DHCR24: variants seen among roughly 807,000 people sequenced by gnomAD.
The protein encoded by DHCR24 is delta(24)-sterol reductase.
DHCR24 carries 28 observed loss-of-function variants against 61.2 expected under a neutral mutation model. The observed-to-expected ratio is 0.46, with a 90% CI of 0.34 to 0.63. The LOEUF is 0.63. DHCR24 is among the 20% of genes least tolerant of loss of function. The pLI, the probability that DHCR24 is intolerant of heterozygous loss-of-function variation, is 0.01. For synonymous variants in DHCR24, 261 were observed against 275.9 expected (o/e 0.95, Z 0.54); for missense variants, 538 against 679.1 (o/e 0.79, Z 2.31).
chr1:54,884,551 G>A (rs1018693279), intron 1 of DHCR24, among the ~76,000 whole-genome samples: 1 of 152,204 alleles, frequency 6.6e-6, no homozygotes, highest in Non-Finnish European at 1.5e-5. Flanking sequence ...AGAAATGCAG[G>A]AGGAAGTGTT....
chr1:54,855,677 C>T (rs1236981113), intron 6 of DHCR24, among the ~76,000 whole-genome samples: 2 of 152,226 alleles, frequency 1.3e-5, no homozygotes, highest in African/African-American at 4.8e-5. Context: ...TTCCCTCACT[C>T]CTCTGGAGCT....
chr1:54,870,064 A>AG (rs1646989531), intron 5 of DHCR24, among the ~76,000 whole-genome samples: 2 of 151,942 alleles, frequency 1.3e-5, no homozygotes, highest in Non-Finnish European at 2.9e-5. Context: ...AAAAAAAAAA[A>AG]AAAAATTTTT....
At chr1:54,865,514 G>A (rs1018991929) in intron 5 of DHCR24, 68 bp from the exon 6 acceptor site, 9 of 1,596,218 alleles carry the variant, frequency 5.6e-6, no homozygotes, top group East Asian at 2.2e-5. Flanking sequence ...GTGTAACAGC[G>A]ACACCCGGCT....
At chr1:54,878,005 CAA>C (rs34579917) in intron 2 of DHCR24, among the ~76,000 whole-genome samples, 14 of 111,716 alleles carry the variant, frequency 1.3e-4, no homozygotes, top group Non-Finnish European at 9.6e-5. Flanking sequence ...GACTCTGTCT[CAA>C]AAAAAAAAAA....
intron 6 of DHCR24, among the ~76,000 whole-genome samples, chr1:54,861,211 G>A (rs12063284): frequency 6.6e-6 from 1 of 152,156 alleles, no homozygotes; most frequent in Non-Finnish European, 1.5e-5. Flanking sequence ...ATGTGGCCTA[G>A]TGACTGTTTT....
chr1:54,865,003 C>T (rs549631932), intron 6 of DHCR24, among the ~76,000 whole-genome samples: 1 of 152,294 alleles, frequency 6.6e-6, no homozygotes, highest in African/African-American at 2.4e-5. Flanking sequence ...GTCTGCTCAC[C>T]GTGGCTAGAG....
At chr1:54,867,364 T>C (rs1451270901) in intron 5 of DHCR24, among the ~76,000 whole-genome samples, 2 of 152,140 alleles carry the variant, frequency 1.3e-5, no homozygotes, top group South Asian at 2.1e-4. Flanking sequence ...TGCCCAGATG[T>C]CTAATGGCAT....
At position 54,853,478 on chromosome 1, in the gene DHCR24, C is replaced by T; in HGVS notation, c.1353G>A (p.Arg451=). The T allele has an allele frequency of 6.2e-7, 1 of 1,614,180 alleles. No homozygotes were observed. Among genetic ancestry groups the T allele is most frequent in the Non-Finnish European group, 8.5e-7 (1 of 1,180,032 alleles). ...ACTTCTCCAGCTGCCTCATGCAGGA[C>T]CTGGCTTCAAAGTGTTTCACACGCG... The part of the protein sequence containing the change: ...GEPRVKHFEA[R]SCMRQLEKFV... The change falls in exon 8 of 9, where the codon AGG becomes AGA. Residue 451 remains arginine, a synonymous_variant. Transcript: ENST00000371269.
intron 8 of DHCR24, among the ~76,000 whole-genome samples, chr1:54,852,922 T>G (rs181561412): frequency 3.0e-4 from 46 of 152,294 alleles, no homozygotes; most frequent in African/African-American, 1.1e-3. Context: ...TGTGTGTTTT[T>G]GGGAATTTTA....
chr1:54,883,500 T>G lies in DHCR24; in HGVS notation c.387+118A>C, dbSNP rs1570204298. 1.6e-6 allele frequency: 2 copies of G among 1,226,418 alleles called. No homozygotes were observed. The allele number at this position is 1,226,418 out of a possible 1,614,324, so 76.0% of individuals were successfully genotyped here. Reference sequence around the variant, plus strand: ...TGGCAGGGAGTATCTTCTATGACTGTGGGCATTGGTCCTGTCCACTCTGCA... The same window carrying G: ...TGGCAGGGAGTATCTTCTATGACTGGGGGCATTGGTCCTGTCCACTCTGCA... On this transcript the variant is annotated intron_variant, in intron 2 of 8. Transcript: ENST00000371269. This position sits in a 1 kb window ranked among gnomAD's most constrained non-coding sequence, Gnocchi z 4.3.
chr1:54,858,572 GAACA>G (rs1023983423), intron 6 of DHCR24, among the ~76,000 whole-genome samples: 1 of 152,206 alleles, frequency 6.6e-6, no homozygotes, highest in Non-Finnish European at 1.5e-5. Flanking sequence ...TTACTTAACA[GAACA>G]AATATGTAAG....
rs1433606152 is a variant in DHCR24 at position 54,850,849 on chromosome 1, C to T, written c.*1384G>A. On this transcript the variant is annotated 3_prime_UTR_variant, in exon 9 of 9. Transcript: ENST00000371269. ...GAAACTGCAGCTCAGAGGACAATGA[C>T]TTGCCCACGTTGCACAGCTCGCTGA... 1.3e-5 allele frequency: 2 copies of T among 152,250 alleles called. No homozygotes were observed. Among genetic ancestry groups the T allele is most frequent in the Admixed American group, 1.3e-4 (2 of 15,286 alleles). 9.4% of individuals were successfully genotyped at this position (152,250 alleles called of 1,614,324 possible). A position where few individuals can be genotyped will look rare whatever the true frequency, so the allele number is the denominator to read the frequency against.
intron 2 of DHCR24, among the ~76,000 whole-genome samples, chr1:54,882,080 G>A (rs1344021544): frequency 1.3e-5 from 2 of 150,390 alleles, no homozygotes; most frequent in Non-Finnish European, 2.9e-5. Context: ...CATGACACAC[G>A]TTTACCTATA....
chr1:54,885,371 G>A (rs1049331783), intron 1 of DHCR24, among the ~76,000 whole-genome samples: 2 of 152,154 alleles, frequency 1.3e-5, no homozygotes, highest in African/African-American at 4.8e-5. Context: ...CAGAAAAAAG[G>A]GCAACTAGGT....
chr1:54,864,300 C>T (rs1051086272), intron 6 of DHCR24, among the ~76,000 whole-genome samples: 2 of 152,100 alleles, frequency 1.3e-5, no homozygotes, highest in African/African-American at 4.8e-5. Flanking sequence ...TGAAACAACC[C>T]ACATGTCCAT....
chr1:54,880,562 C>T (rs1165967629), intron 2 of DHCR24, among the ~76,000 whole-genome samples: 4 of 150,472 alleles, frequency 2.7e-5, no homozygotes, highest in African/African-American at 4.9e-5. Context: ...GCCAGGAGTT[C>T]GAAACCAGCC....
intron 3 of DHCR24, 85 bp from the exon 4 acceptor site, chr1:54,875,296 A>C (rs1314952592): frequency 5.1e-6 from 6 of 1,186,508 alleles, no homozygotes; most frequent in African/African-American, 1.5e-5. Context: ...GCCTCCTAGC[A>C]TGAGGGAGGT....
In DHCR24 at chr1:54,887,161, T is replaced by C. The variant is rs371075692; in HGVS notation, c.-42A>G. ...GTAAGCGCTGCGGGTTCGCGCCTCC[T>C]GTCACTGCCGCCAGCTCCGCGCCTG... On this transcript the variant is annotated 5_prime_UTR_variant, in exon 1 of 9. Coordinates refer to ENST00000371269, the MANE Select transcript of DHCR24 (RefSeq NM_014762.4). 4.9e-5 allele frequency: 73 copies of C among 1,502,268 alleles called. No individual in the cohort carries two copies. The East Asian group carries it at 6.4e-4, about 13-fold the overall frequency. 93.1% of individuals were successfully genotyped at this position (1,502,268 alleles called of 1,614,324 possible). A position where few individuals can be genotyped will look rare whatever the true frequency, so the allele number is the denominator to read the frequency against.
At chr1:54,856,898 A>G (rs1051450143) in intron 6 of DHCR24, among the ~76,000 whole-genome samples, 6 of 152,204 alleles carry the variant, frequency 3.9e-5, no homozygotes, top group Non-Finnish European at 7.3e-5. Flanking sequence ...TTGCCAGCAC[A>G]ATGTGACATC....
Sources: gnomAD v4.1 joint callset for allele counts (sites outside exome capture counted in the v4.1 genomes callset) on GRCh38, gnomAD v4.1.1 for gene constraint, Gnocchi (gnomAD v3.1) non-coding constraint, MANE v1.5 for transcripts, NCBI Gene and HGNC (gene_info 2026-07-23, HGNC 2026-07-21) for gene names.